Variants in MAP4K4 observed in about 807,000 individuals in gnomAD.
MAP4K4 encodes mitogen-activated protein kinase kinase kinase kinase 4.
MAP4K4 carries 38 observed loss-of-function variants against 189.6 expected under a neutral mutation model. That is an observed-to-expected ratio of 0.20 (90% CI 0.15 to 0.26). The LOEUF is 0.26. Ranked by LOEUF, MAP4K4 falls within the 10% of genes least tolerant of loss-of-function variation. The pLI, the probability that MAP4K4 is intolerant of heterozygous loss-of-function variation, is 1.00. For missense variants in MAP4K4, 1,054 were observed against 1,726.9 expected (o/e 0.61, Z 6.91); for synonymous variants, 610 against 624.3 (o/e 0.98, Z 0.34).
At chr2:101,831,328 T>G (rs894511321) in intron 6 of MAP4K4, among the ~76,000 whole-genome samples, 1 of 152,230 alleles carries the variant, frequency 6.6e-6, no homozygotes, top group Non-Finnish European at 1.5e-5. Flanking sequence ...TTAGTGCTGT[T>G]TAAGAAGGTA....
chr2:101,699,149 G>A (rs2036611675), intron 2 of MAP4K4, among the ~76,000 whole-genome samples: 1 of 152,160 alleles, frequency 6.6e-6, no homozygotes, highest in Non-Finnish European at 1.5e-5. Context: ...TGAATTCCAG[G>A]AATAACCTGT....
intron 16 of MAP4K4, 136 bp from the exon 17 acceptor site, chr2:101,863,685 G>A: frequency 4.3e-6 from 2 of 462,544 alleles, no homozygotes; most frequent in Non-Finnish European, 8.7e-6. Flanking sequence ...CTGTTTCACT[G>A]CGTGGCTGAC....
chr2:101,826,795 A>G lies in MAP4K4; in HGVS notation c.417+1366A>G, dbSNP rs554607947. On this transcript the variant is annotated intron_variant, in intron 5 of 32. Coordinates refer to ENST00000324219, the Ensembl canonical transcript of MAP4K4. Reference sequence around the variant, plus strand: ...ACCCTTTGAAATTACTTTTGTTAGGAGAATTCAATGAGTTAGTGTATATTA... The same window carrying G: ...ACCCTTTGAAATTACTTTTGTTAGGGGAATTCAATGAGTTAGTGTATATTA... Among the ~76,000 whole-genome samples, 60 of 152,306 alleles carry G rather than the reference A, an allele frequency of 3.9e-4. 1 individual carries two copies. The highest frequency in any genetic ancestry group is 1.4e-3 in the African/African-American group (59 of 41,554).
At chr2:101,840,226 A>G (rs2096874783) in intron 10 of MAP4K4, among the ~76,000 whole-genome samples, 1 of 152,042 alleles carries the variant, frequency 6.6e-6, no homozygotes, top group Non-Finnish European at 1.5e-5. Context: ...CGGCATTGCG[A>G]TGGGATGCTT....
intron 2 of MAP4K4, among the ~76,000 whole-genome samples, chr2:101,760,532 G>A (rs188770000): frequency 0.024 from 1,108 of 46,220 alleles, 19 homozygotes; most frequent in African/African-American, 0.095. Context: ...ATGTATATAT[G>A]TGTGTGTGTG....
intron 2 of MAP4K4, among the ~76,000 whole-genome samples, chr2:101,749,574 CATTACCAT>C (rs2067502662): frequency 6.9e-6 from 1 of 145,214 alleles, no homozygotes; most frequent in Non-Finnish European, 1.5e-5. Flanking sequence ...AAAACCTAGG[CATTACCAT>C]TCAGGACATA....
intron 2 of MAP4K4, among the ~76,000 whole-genome samples, chr2:101,787,629 G>A (rs180853772): frequency 6.6e-6 from 1 of 152,042 alleles, no homozygotes; most frequent in Non-Finnish European, 1.5e-5. Context: ...AAAACTCTTG[G>A]TGTAGCTTCC....
intron 8 of MAP4K4, among the ~76,000 whole-genome samples, chr2:101,835,319 A>G (rs2096717659): frequency 6.6e-6 from 1 of 152,218 alleles, no homozygotes; most frequent in Non-Finnish European, 1.5e-5. Context: ...ACACATGAAA[A>G]TGCACATTGC....
intron 21 of MAP4K4, 58 bp downstream of exon 21, chr2:101,868,095 TCA>T: frequency 6.3e-7 from 1 of 1,593,440 alleles, no homozygotes; most frequent in Non-Finnish European, 8.6e-7. Context: ...GCCTGTCAGC[TCA>T]GCTTGTATTC....
chr2:101,708,399 C>G (rs868766185), intron 2 of MAP4K4, among the ~76,000 whole-genome samples: 7 of 152,106 alleles, frequency 4.6e-5, no homozygotes, highest in African/African-American at 9.7e-5. Flanking sequence ...GTAAGCAGTG[C>G]GTAACCTCTG....
chr2:101,869,981 G>A, intron 22 of MAP4K4, 184 bp downstream of exon 22: 1 of 719,604 alleles, frequency 1.4e-6, no homozygotes. Context: ...ATATGTCAGT[G>A]CTTCCCCCAG....
At chr2:101,874,295 G>A (rs1159473626) in intron 26 of MAP4K4, 43 bp downstream of exon 26, 1 of 1,551,120 alleles carries the variant, frequency 6.4e-7, no homozygotes, top group Middle Eastern at 1.7e-4. Context: ...TTTTTGTTCT[G>A]AGTGGTGGCT....
exon 1 of MAP4K4, chr2:101,698,102 A>G (rs1219694544): frequency 1.5e-6 from 2 of 1,318,512 alleles, no homozygotes; most frequent in Non-Finnish European, 1.0e-6. Context: ...CTCCCCTGCA[A>G]AAAGTCTGGT....
exon 27 of MAP4K4, chr2:101,877,130 C>T: frequency 2.5e-6 from 4 of 1,613,982 alleles, no homozygotes; most frequent in Non-Finnish European, 3.4e-6. Flanking sequence ...GCTTGAATGT[C>T]TTGGTGACAA....
chr2:101,710,596 A>T (rs1489769057), intron 2 of MAP4K4, among the ~76,000 whole-genome samples: 1 of 152,228 alleles, frequency 6.6e-6, no homozygotes, highest in East Asian at 1.9e-4. Flanking sequence ...CGTATAGCCT[A>T]ATGTGTAAGG....
At chr2:101,707,185 T>TA (rs1446709466) in intron 2 of MAP4K4, among the ~76,000 whole-genome samples, 20 of 152,216 alleles carry the variant, frequency 1.3e-4, no homozygotes, top group Non-Finnish European at 2.8e-4. Context: ...ACCTCTTAGT[T>TA]ACTACTCCAT....
At chr2:101,886,446 C>T (rs146070891) in intron 29 of MAP4K4, among the ~76,000 whole-genome samples, 9 of 152,296 alleles carry the variant, frequency 5.9e-5, no homozygotes, top group Middle Eastern at 3.4e-3. Flanking sequence ...CAACTCCTCT[C>T]GCTCTACTGT....
chr2:101,769,154 C>G (rs550713858), intron 2 of MAP4K4, among the ~76,000 whole-genome samples: 4 of 152,126 alleles, frequency 2.6e-5, no homozygotes, highest in Non-Finnish European at 5.9e-5. Flanking sequence ...ATTAAAGTTT[C>G]GTTAAGTGAC....
chr2:101,827,832 T>C (rs2096431146), intron 5 of MAP4K4, among the ~76,000 whole-genome samples: 2 of 152,228 alleles, frequency 1.3e-5, no homozygotes, highest in African/African-American at 4.8e-5. Flanking sequence ...TCTTTTATTC[T>C]GTGACCATGC....
Sources: allele counts gnomAD v4.1 joint callset (sites outside exome capture counted in the v4.1 genomes callset), GRCh38; gene constraint gnomAD v4.1.1; transcripts MANE v1.5; gene names NCBI Gene and HGNC (gene_info 2026-07-23, HGNC 2026-07-21).